SEC63: variants seen among roughly 807,000 people sequenced by gnomAD.
The protein encoded by SEC63 is translocation protein SEC63 homolog.
A neutral mutation model predicts 116.2 loss-of-function variants in SEC63; 56 were observed. The ratio of observed to expected loss-of-function variants is 0.48; its 90% CI spans 0.39 to 0.60. SEC63 has a LOEUF of 0.60. Among genes scored for constraint, SEC63 ranks in the 20% least tolerant of loss-of-function variants. The pLI is 0.00. For missense variants in SEC63, 668 were observed against 900.0 expected, an observed-to-expected ratio of 0.74 and a Z score of 3.30; for synonymous variants, 273 against 294.6, an observed-to-expected ratio of 0.93 and a Z score of 0.75.
chr6:107,938,851 G>A (rs530497535), intron 1 of SEC63, among the ~76,000 whole-genome samples: 93 of 152,168 alleles, frequency 6.1e-4, no homozygotes, highest in African/African-American at 2.1e-3. Flanking sequence ...CACCGCCCAC[G>A]CCCAGCTAGT....
At chr6:107,901,603 A>G in intron 12 of SEC63, 86 bp from the exon 13 acceptor site, 2 of 967,058 alleles carry the variant, frequency 2.1e-6, no homozygotes, top group Non-Finnish European at 3.1e-6. Flanking sequence ...GTTAACCACA[A>G]CAAAATCCAG....
At chr6:107,957,766 GC>G in intron 1 of SEC63, 119 bp downstream of exon 1, 7 of 1,116,770 alleles carry the variant, frequency 6.3e-6, no homozygotes, top group South Asian at 2.6e-5. Flanking sequence ...CACAGGCCGG[GC>G]CGCACCGTCC....
At chr6:107,888,024 C>G (rs1416282318) in intron 16 of SEC63, among the ~76,000 whole-genome samples, 1 of 152,104 alleles carries the variant, frequency 6.6e-6, no homozygotes, top group Non-Finnish European at 1.5e-5. Context: ...AGTCAGGTAG[C>G]GTGATGCCTC....
At chr6:107,923,900 T>G (rs534339574) in intron 3 of SEC63, among the ~76,000 whole-genome samples, 2 of 152,184 alleles carry the variant, frequency 1.3e-5, no homozygotes, top group African/African-American at 2.4e-5. Flanking sequence ...AAGATTTTTA[T>G]CATTCAACTA....
chr6:107,937,814 C>A (rs1770290022), intron 1 of SEC63, among the ~76,000 whole-genome samples: 1 of 151,820 alleles, frequency 6.6e-6, no homozygotes, highest in African/African-American at 2.4e-5. Context: ...TTTCATGTTT[C>A]TTGGCCACTT....
At chr6:107,913,532 A>G (rs1787333140) in intron 4 of SEC63, 105 bp from the exon 5 acceptor site, 1 of 820,610 alleles carries the variant, frequency 1.2e-6, no homozygotes, top group Non-Finnish European at 2.1e-6. Flanking sequence ...CTTAGAAGAT[A>G]CTGATTCCAT....
Position 107,901,587 on chromosome 6 carries a change from TCAC to T in SEC63, c.1210-73_1210-71del. On this transcript the variant is annotated intron_variant, in intron 12 of 20. Transcript: ENST00000369002. ...AAGCTTTTCATAAAAAGAAAATTACTCACATGTTAACCACAACAAAATCCAGCA... is the reference window on the plus strand; with the variant it reads ...AAGCTTTTCATAAAAAGAAAATTACTATGTTAACCACAACAAAATCCAGCA... 5 of 1,149,722 alleles carry T rather than the reference TCAC, an allele frequency of 4.3e-6. No individual in the cohort carries two copies. The South Asian group carries it at 7.1e-5, about 16-fold the overall frequency. The allele number at this position is 1,149,722 out of a possible 1,614,324, so 71.2% of individuals were successfully genotyped here. A position where few individuals can be genotyped will look rare whatever the true frequency, so the allele number is the denominator to read the frequency against.
chr6:107,873,665 A>G (rs898350508), intron 19 of SEC63, among the ~76,000 whole-genome samples: 4 of 152,200 alleles, frequency 2.6e-5, no homozygotes, highest in Non-Finnish European at 4.4e-5. Context: ...ACTACAAAAA[A>G]TAAGTAAGAA....
intron 1 of SEC63, among the ~76,000 whole-genome samples, chr6:107,943,009 G>C (rs1160451278): frequency 1.3e-5 from 2 of 152,174 alleles, no homozygotes; most frequent in African/African-American, 4.8e-5. Context: ...GTCCCATGGT[G>C]TTGCAAGGTT....
At chr6:107,916,563 C>G (rs1190423387) in intron 4 of SEC63, among the ~76,000 whole-genome samples, 1 of 152,216 alleles carries the variant, frequency 6.6e-6, no homozygotes, top group Non-Finnish European at 1.5e-5. Flanking sequence ...TTGCACTTTG[C>G]AGATAATCGT....
At chr6:107,942,368 G>T (rs1022315181) in intron 1 of SEC63, among the ~76,000 whole-genome samples, 1 of 152,200 alleles carries the variant, frequency 6.6e-6, no homozygotes, top group African/African-American at 2.4e-5. Flanking sequence ...GGCAGAGACT[G>T]TATCTTACCC....
At chr6:107,942,200 G>A (rs1259681765) in intron 1 of SEC63, among the ~76,000 whole-genome samples, 1 of 152,130 alleles carries the variant, frequency 6.6e-6, no homozygotes, top group East Asian at 1.9e-4. Context: ...CACAGCCCCA[G>A]AAGTATAATT....
intron 4 of SEC63, among the ~76,000 whole-genome samples, chr6:107,919,098 T>TA (rs1250104286): frequency 2.0e-5 from 3 of 151,862 alleles, no homozygotes; most frequent in Non-Finnish European, 1.5e-5. Flanking sequence ...TTAGTAGAGA[T>TA]AGAGTTTTCT....
At chr6:107,952,687 G>A (rs1419178648) in intron 1 of SEC63, among the ~76,000 whole-genome samples, 1 of 152,294 alleles carries the variant, frequency 6.6e-6, no homozygotes, top group East Asian at 1.9e-4. Flanking sequence ...GAATCTGGGA[G>A]GTGGAGGTTG....
At chr6:107,902,730 A>T in intron 12 of SEC63, 114 bp downstream of exon 12, 1 of 980,390 alleles carries the variant, frequency 1.0e-6, no homozygotes, top group Non-Finnish European at 1.6e-6. Flanking sequence ...AGTATTTAAG[A>T]CATTCTAAAT....
intron 16 of SEC63, among the ~76,000 whole-genome samples, chr6:107,893,276 T>C: frequency 6.6e-6 from 1 of 152,014 alleles, no homozygotes; most frequent in Non-Finnish European, 1.5e-5. Flanking sequence ...AACTAATCTA[T>C]GGCGATTATA....
intron 17 of SEC63, among the ~76,000 whole-genome samples, chr6:107,882,154 G>A (rs1036437224): frequency 6.6e-6 from 1 of 152,162 alleles, no homozygotes; most frequent in Non-Finnish European, 1.5e-5. Context: ...AAGGACAAGT[G>A]TGTTATTAAC....
chr6:107,951,673 T>C (rs1263112167), intron 1 of SEC63, among the ~76,000 whole-genome samples: 2 of 152,056 alleles, frequency 1.3e-5, no homozygotes, highest in Admixed American at 6.6e-5. Context: ...TGGGGATGGG[T>C]ACAAGTGTTT....
intron 18 of SEC63, chr6:107,877,448 T>A (rs1441540290): frequency 6.6e-6 from 1 of 152,152 alleles, no homozygotes; most frequent in Admixed American, 6.5e-5. Context: ...TTTGGTTTTG[T>A]TTTTTGTTGA....
Sources: allele counts gnomAD v4.1 joint callset (sites outside exome capture counted in the v4.1 genomes callset), GRCh38; gene constraint gnomAD v4.1.1; transcripts MANE v1.5; gene names NCBI Gene and HGNC (gene_info 2026-07-23, HGNC 2026-07-21).